Variants in MORF4L1 observed in about 807,000 individuals in gnomAD.
The protein encoded by MORF4L1 is mortality factor 4-like protein 1.
In MORF4L1, 4 loss-of-function variants were observed where a neutral mutation model predicts 52.9. That is an observed-to-expected ratio of 0.08 (90% CI 0.04 to 0.17). The LOEUF is 0.17. Among genes scored for constraint, MORF4L1 ranks in the 10% least tolerant of loss-of-function variants. The pLI is 1.00. For missense variants in MORF4L1, 214 were observed against 390.4 expected, an observed-to-expected ratio of 0.55 and a Z score of 3.81; for synonymous variants, 123 against 134.8, an observed-to-expected ratio of 0.91 and a Z score of 0.61.
chr15:78,896,598 A>ACTC (rs1367698270), intron 11 of MORF4L1, among the ~76,000 whole-genome samples: 1 of 148,006 alleles, frequency 6.8e-6, no homozygotes, highest in East Asian at 2.0e-4. Flanking sequence ...ATGAGCCACC[A>ACTC]CTCCCGGCTG....
chr15:78,889,177 G>A (rs2056756863), intron 5 of MORF4L1, among the ~76,000 whole-genome samples: 1 of 152,116 alleles, frequency 6.6e-6, no homozygotes, highest in Admixed American at 6.5e-5. Flanking sequence ...TCCCATTCTT[G>A]AACAGTAGAA....
At chr15:78,884,378 C>T (rs1277012107) in intron 3 of MORF4L1, among the ~76,000 whole-genome samples, 1 of 151,996 alleles carries the variant, frequency 6.6e-6, no homozygotes, top group African/African-American at 2.4e-5. Context: ...GTGGCGCGCA[C>T]CTGTAGTCCC....
intron 5 of MORF4L1, among the ~76,000 whole-genome samples, chr15:78,889,833 T>TA (rs1009828340): frequency 2.1e-4 from 32 of 152,192 alleles, no homozygotes; most frequent in African/African-American, 6.7e-4. Flanking sequence ...TACAGAAAAG[T>TA]AAAAAATCCA....
At chr15:78,887,376 C>T in intron 5 of MORF4L1, 27 bp downstream of exon 5, 3 of 1,566,104 alleles carry the variant, frequency 1.9e-6, no homozygotes, top group Non-Finnish European at 1.7e-6. Flanking sequence ...TTTGATTTTG[C>T]ATACTATATG....
chr15:78,885,492 TATTC>T (rs2056686234), intron 3 of MORF4L1, among the ~76,000 whole-genome samples: 1 of 152,240 alleles, frequency 6.6e-6, no homozygotes, highest in African/African-American at 2.4e-5. Flanking sequence ...TATTAGTGTG[TATTC>T]ATTTGTGACT....
rs1420755398 is a variant in MORF4L1 at position 78,872,990 on chromosome 15, G to C, written c.-28G>C. ...GGGGCGGTAGTCGGGGGTGGTGGGA[G>C]AAGGAGGAGGCGGCGAATCACTTAT... On this transcript the variant is annotated 5_prime_UTR_variant, in exon 1 of 12. Transcript: ENST00000426013. The C allele has an allele frequency of 1.9e-6, 3 of 1,549,316 alleles. No homozygotes were observed. The highest frequency in any genetic ancestry group is 2.4e-5 in the South Asian group (2 of 83,982).
chr15:78,891,163 T>C, intron 6 of MORF4L1, 149 bp downstream of exon 6: 1 of 1,029,780 alleles, frequency 9.7e-7, no homozygotes, highest in Non-Finnish European at 1.4e-6. Flanking sequence ...AATAGGTACA[T>C]GGTGGTAGAG....
At chr15:78,876,331 C>T (rs751410381) in intron 1 of MORF4L1, among the ~76,000 whole-genome samples, 3 of 150,838 alleles carry the variant, frequency 2.0e-5, no homozygotes, top group Non-Finnish European at 4.4e-5. Context: ...TAATGGCGTG[C>T]AATATATGTT....
intron 6 of MORF4L1, 137 bp downstream of exon 6, chr15:78,891,151 A>C: frequency 9.1e-7 from 1 of 1,100,610 alleles, no homozygotes; most frequent in Non-Finnish European, 1.3e-6. Context: ...GCAGTGTTAT[A>C]AAATAGGTAC....
chr15:78,877,662 A>G (rs2141589431), intron 1 of MORF4L1: 1 of 152,300 alleles, frequency 6.6e-6, no homozygotes, highest in East Asian at 1.9e-4. Context: ...TTATTGTCTC[A>G]TTTCTTTGTT....
Position 78,893,609 on chromosome 15 carries a change from G to T in MORF4L1, c.611G>T (p.Arg204Leu), listed in dbSNP as rs755603876. 4.4e-6 allele frequency: 7 copies of T among 1,586,064 alleles called. No individual in the cohort carries two copies. Among genetic ancestry groups the T allele is most frequent in the Non-Finnish European group, 5.2e-6 (6 of 1,158,112 alleles). Residue 204 changes from arginine to leucine, a missense_variant, in exon 9 of 12, where the codon CGT (arginine) becomes CTT (leucine). Arg to Leu is a moderately radical substitution (Grantham distance 102). Around this residue, in one of 5 missense-constraint regions of MORF4L1, gnomAD observed 68 missense variants for 171.6 expected, o/e 0.40. Coordinates refer to ENST00000426013, the MANE Select transcript of MORF4L1 (RefSeq NM_006791.4). ...LEDYANYKKS[R>L]GNTDNKEYAV... ...GATTATGCAAATTACAAGAAATCTC[G>T]TGGAAACACAGATAATAAGTAAGAA...
At chr15:78,873,176 C>G in intron 1 of MORF4L1, 119 bp downstream of exon 1, 1 of 1,530,088 alleles carries the variant, frequency 6.5e-7, no homozygotes, top group East Asian at 2.5e-5. Flanking sequence ...AGGCGGCGGT[C>G]AGTGCTTTGT....
chr15:78,880,473 A>C (rs772284932), intron 2 of MORF4L1, 39 bp from the exon 3 acceptor site: 3 of 1,497,810 alleles, frequency 2.0e-6, no homozygotes, highest in Non-Finnish European at 2.8e-6. Context: ...GTCTTTAAAA[A>C]ATTTCTAAGT....
intron 4 of MORF4L1, 60 bp from the exon 5 acceptor site, chr15:78,887,209 C>A: frequency 1.4e-6 from 2 of 1,433,934 alleles, no homozygotes; most frequent in Non-Finnish European, 1.9e-6. Flanking sequence ...ATCAGGCTGA[C>A]AATTTTTTTT....
At chr15:78,886,252 A>AT in intron 4 of MORF4L1, 25 bp downstream of exon 4, 1 of 1,565,148 alleles carries the variant, frequency 6.4e-7, no homozygotes, top group Non-Finnish European at 8.8e-7. Flanking sequence ...TGAACTGAAT[A>AT]TTAAGGAGAA....
intron 5 of MORF4L1, among the ~76,000 whole-genome samples, chr15:78,890,442 C>T (rs1237886843): frequency 6.6e-6 from 1 of 151,138 alleles, no homozygotes; most frequent in African/African-American, 2.4e-5. Context: ...TAATATAACC[C>T]TGGAAGAACG....
intron 1 of MORF4L1, chr15:78,877,895 A>G: frequency 4.2e-6 from 1 of 235,826 alleles, no homozygotes; most frequent in Non-Finnish European, 8.1e-6. Flanking sequence ...TCAGATATAT[A>G]GTTAAAACCA....
rs3803545 is a variant in MORF4L1, at chr15:78,892,106, G to A, written c.439-106G>A. The A allele has an allele frequency of 7.4e-6, 5 of 672,124 alleles. No individual in the cohort carries two copies. The South Asian group carries it at 1.0e-4, about 14-fold the overall frequency. The allele number at this position is 672,124 out of a possible 1,614,324, so 41.6% of individuals were successfully genotyped here. On this transcript the variant is annotated intron_variant, in intron 7 of 11. Transcript: ENST00000426013. The stretch of plus-strand genomic sequence containing the variant: ...AAATGACAGTACAGCTGTATGCTTG[G>A]CTACTTTAAGATTTATCCCTAGTGC...
At chr15:78,886,801 A>T (rs183697793) in intron 4 of MORF4L1, among the ~76,000 whole-genome samples, 152 of 152,222 alleles carry the variant, frequency 1.0e-3, no homozygotes, top group African/African-American at 3.3e-3. Flanking sequence ...TAAAAATTCA[A>T]AAAATTAGCC....
Sources: gnomAD v4.1 joint callset for allele counts (sites outside exome capture counted in the v4.1 genomes callset) on GRCh38, gnomAD v4.1.1 for gene constraint, gnomAD v4.1.1 regional missense constraint, MANE v1.5 for transcripts, NCBI Gene and HGNC (gene_info 2026-07-23, HGNC 2026-07-21) for gene names.